Variants in KIAA1549 observed in about 807,000 individuals in gnomAD.
The protein encoded by KIAA1549 is UPF0606 protein KIAA1549.
KIAA1549 carries 70 observed loss-of-function variants against 156.4 expected under a neutral mutation model. The observed-to-expected ratio is 0.45, with a 90% CI of 0.37 to 0.55. KIAA1549 has a LOEUF of 0.55. Ranked by LOEUF, KIAA1549 falls within the 20% of genes least tolerant of loss-of-function variation. The pLI, the probability that KIAA1549 is intolerant of heterozygous loss-of-function variation, is 0.00. For synonymous variants in KIAA1549, 1,103 were observed against 1,066.4 expected (o/e 1.03, Z -0.67); for missense variants, 2,428 against 2,540.9 (o/e 0.96, Z 0.96).
At chr7:138,869,870 G>C in intron 13 of KIAA1549, 109 bp from the exon 14 acceptor site, 1 of 823,976 alleles carries the variant, frequency 1.2e-6, no homozygotes, top group Non-Finnish European at 1.9e-6. Flanking sequence ...ATTTATTTGA[G>C]ACAGAGTCTC....
intron 12 of KIAA1549, chr7:138,876,312 T>A (rs537561004): frequency 6.6e-6 from 1 of 152,374 alleles, no homozygotes; most frequent in South Asian, 2.1e-4. Context: ...CATTGTTATA[T>A]GTACTCAATC....
chr7:138,965,092 G>A (rs1274342248), intron 1 of KIAA1549, among the ~76,000 whole-genome samples: 1 of 151,784 alleles, frequency 6.6e-6, no homozygotes, highest in Non-Finnish European at 1.5e-5. Context: ...TCCTTCAGCA[G>A]GCAGGAGCAG....
intron 19 of KIAA1549, 91 bp downstream of exon 19, chr7:138,840,042 G>A (rs1342144178): frequency 8.7e-6 from 10 of 1,155,586 alleles, no homozygotes; most frequent in Middle Eastern, 2.0e-4. Flanking sequence ...CGCCCGCCTC[G>A]GCCTCCCAAA....
At position 138,979,085 on chromosome 7, in the gene KIAA1549, G is replaced by A. The variant is rs190111102; in HGVS notation, c.187+1998C>T. On this transcript the variant is annotated intron_variant, in intron 1 of 19. Transcript: ENST00000422774. Reference sequence around the variant, plus strand: ...AGCTGGATCCTGGAGCACAGGGGCTGTGCCCTCCACTTCTTAGTTCCTAGT... The same window carrying A: ...AGCTGGATCCTGGAGCACAGGGGCTATGCCCTCCACTTCTTAGTTCCTAGT... Among the ~76,000 whole-genome samples, 8 of 152,356 alleles carry A rather than the reference G, an allele frequency of 5.3e-5. No individual in the cohort carries two copies. In the South Asian group the frequency reaches 1.0e-3, roughly 20 times the overall value.
chr7:138,943,532 A>G (rs1813245753), intron 1 of KIAA1549, among the ~76,000 whole-genome samples: 1 of 152,354 alleles, frequency 6.6e-6, no homozygotes, highest in South Asian at 2.1e-4. Context: ...ACATTGTGGC[A>G]TGGCTAAATC....
At chr7:138,938,979 C>T (rs1272749140) in intron 1 of KIAA1549, among the ~76,000 whole-genome samples, 2 of 151,894 alleles carry the variant, frequency 1.3e-5, no homozygotes, top group Admixed American at 6.6e-5. Context: ...ACCTGGGAGG[C>T]GGAGGTTGCA....
rs533873172 is a variant in KIAA1549, at chr7:138,834,748, G to C, written c.*3158C>G. 1.3e-5 allele frequency: 3 copies of C among 232,634 alleles called. No individual in the cohort carries two copies. Among genetic ancestry groups the C allele is most frequent in the Admixed American group, 5.6e-5 (1 of 17,764 alleles). The allele number at this position is 232,634 out of a possible 1,614,324, so 14.4% of individuals were successfully genotyped here. On this transcript the variant is annotated 3_prime_UTR_variant, in exon 20 of 20. Transcript: ENST00000422774. ...AACCCATTCACCGCAGTAGTGCAGC[G>C]TTTCACATCACTCATCCTAGGGCGT...
chr7:138,899,267 G>C (rs1811775681), intron 8 of KIAA1549, 135 bp from the exon 9 acceptor site: 1 of 760,036 alleles, frequency 1.3e-6, no homozygotes, highest in Non-Finnish European at 2.2e-6. Flanking sequence ...CCATTCAGGG[G>C]CCCAGAATCA....
intron 17 of KIAA1549, among the ~76,000 whole-genome samples, chr7:138,851,573 G>GGT (rs1810233695): frequency 6.6e-6 from 1 of 151,678 alleles, no homozygotes; most frequent in Non-Finnish European, 1.5e-5. Context: ...TGGGTGTGGG[G>GGT]GTGTGTGTGG....
chr7:138,929,309 G>C (rs1272234395), intron 1 of KIAA1549, among the ~76,000 whole-genome samples: 1 of 152,170 alleles, frequency 6.6e-6, no homozygotes, highest in African/African-American at 2.4e-5. Flanking sequence ...CCAGCACTAG[G>C]TTCCATCTCA....
At chr7:138,867,317 G>A (rs1448696285) in intron 15 of KIAA1549, among the ~76,000 whole-genome samples, 6 of 152,196 alleles carry the variant, frequency 3.9e-5, no homozygotes, top group African/African-American at 1.4e-4. Flanking sequence ...CACTGTGGGA[G>A]GCCAAGGCGG....
rs1441523843 is a variant in KIAA1549 at position 138,948,718 on chromosome 7, G to GT, written c.188-29281dup. Among the ~76,000 whole-genome samples the GT allele has an allele frequency of 1.1e-4, 16 of 144,808 alleles. No individual in the cohort carries two copies. In the East Asian group the frequency reaches 2.6e-3, roughly 24 times the overall value. 95.0% of individuals were successfully genotyped at this position (144,808 alleles called of 152,430 possible). On this transcript the variant is annotated intron_variant, in intron 1 of 19. Coordinates refer to ENST00000422774, the MANE Select transcript of KIAA1549 (RefSeq NM_001164665.2). ...GCTTTTTTTTTTTTTTTGAGATAGA[G>GT]TTTCGCTCTCATTGCCCAGGCTGGA...
chr7:138,873,599 TAA>T (rs57051860), intron 12 of KIAA1549, among the ~76,000 whole-genome samples: 94 of 105,672 alleles, frequency 8.9e-4, no homozygotes, highest in Middle Eastern at 5.1e-3. Flanking sequence ...TGACAGGCAT[TAA>T]AAAAAAAAAA....
chr7:138,844,015 A>T (rs1316044146), intron 18 of KIAA1549, among the ~76,000 whole-genome samples: 1 of 152,178 alleles, frequency 6.6e-6, no homozygotes, highest in East Asian at 1.9e-4. Flanking sequence ...TTTTCATGCC[A>T]TCCAAAGTGC....
chr7:138,842,390 T>TA (rs1321805687), intron 18 of KIAA1549, among the ~76,000 whole-genome samples: 25 of 152,112 alleles, frequency 1.6e-4, no homozygotes, highest in Admixed American at 6.5e-4. Flanking sequence ...CCAGCAGGAA[T>TA]AAAAAATCTA....
chr7:138,843,034 C>T (rs1477626906), intron 18 of KIAA1549, among the ~76,000 whole-genome samples: 2 of 152,200 alleles, frequency 1.3e-5, no homozygotes, highest in African/African-American at 4.8e-5. Context: ...TACCGCCAAA[C>T]TGCCTTCCAA....
intron 2 of KIAA1549, among the ~76,000 whole-genome samples, chr7:138,915,073 A>G (rs1400867776): frequency 6.6e-6 from 1 of 152,178 alleles, no homozygotes; most frequent in Non-Finnish European, 1.5e-5. Flanking sequence ...TGTTGCTCCA[A>G]CCACATTTCC....
At chr7:138,970,352 C>T (rs111902597) in intron 1 of KIAA1549, among the ~76,000 whole-genome samples, 3,498 of 152,282 alleles carry the variant, frequency 0.023, 67 homozygotes, top group Admixed American at 0.038. Context: ...GGCTTGTGAC[C>T]GTGCTCAGGG....
At chr7:138,871,106 C>T (rs770855376) in intron 13 of KIAA1549, 51 bp downstream of exon 13, 161 of 1,552,848 alleles carry the variant, frequency 1.0e-4, no homozygotes, top group Non-Finnish European at 1.2e-4. Context: ...CATAAGCCAC[C>T]GGGCTTAGCC....
Sources: allele counts gnomAD v4.1 joint callset (sites outside exome capture counted in the v4.1 genomes callset), GRCh38; gene constraint gnomAD v4.1.1; transcripts MANE v1.5; gene names NCBI Gene and HGNC (gene_info 2026-07-23, HGNC 2026-07-21).